Variants in ANTXRL observed in about 807,000 individuals in gnomAD.
The protein encoded by ANTXRL is anthrax toxin receptor-like.
In ANTXRL, 63 loss-of-function variants were observed where a neutral mutation model predicts 75.4. The observed-to-expected ratio is 0.84, with a 90% CI of 0.68 to 1.03. The LOEUF (loss-of-function observed/expected upper bound fraction) is 1.03, where lower values mean the gene tolerates loss of function less well. Among genes scored for constraint, ANTXRL ranks in the 50% least tolerant of loss-of-function variants. The probability of loss-of-function intolerance (pLI) is 0.00; values close to 1 mark genes in which losing one functional copy is unlikely to be tolerated. For synonymous variants in ANTXRL, 335 were observed against 291.3 expected, an observed-to-expected ratio of 1.15 and a Z score of -1.53; for missense variants, 797 against 789.4, an observed-to-expected ratio of 1.01 and a Z score of -0.12.
At chr10:46,314,546 C>T (rs1343752920) in intron 16 of ANTXRL, among the ~76,000 whole-genome samples, 1 of 151,950 alleles carries the variant, frequency 6.6e-6, no homozygotes, top group Non-Finnish European at 1.5e-5. Context: ...CCAGAAATGG[C>T]CTTACTGTCC....
chr10:46,297,359 G>A, intron 6 of ANTXRL, 31 bp downstream of exon 6: 1 of 1,536,154 alleles, frequency 6.5e-7, no homozygotes, highest in South Asian at 1.2e-5. Flanking sequence ...CCAGCATTTT[G>A]CTCCATGTAT....
intron 7 of ANTXRL, 82 bp downstream of exon 7, chr10:46,297,556 C>T (rs1486672817): frequency 1.2e-5 from 17 of 1,402,804 alleles, no homozygotes; most frequent in African/African-American, 1.0e-4. Flanking sequence ...ACCCCAAGGA[C>T]GGTTGTCTAA....
intron 7 of ANTXRL, among the ~76,000 whole-genome samples, 168 bp downstream of exon 7, chr10:46,297,642 G>A (rs1257000810): frequency 1.1e-4 from 17 of 152,256 alleles, no homozygotes; most frequent in African/African-American, 4.1e-4. Context: ...ATCCCACCAT[G>A]CCAAAGGGGA....
chr10:46,291,683 C>G (rs1480225021), intron 1 of ANTXRL, among the ~76,000 whole-genome samples: 1 of 152,040 alleles, frequency 6.6e-6, no homozygotes, highest in African/African-American at 2.4e-5. Context: ...ATAAATGAAA[C>G]TTTTTTGGTT....
At chr10:46,317,500 T>C (rs1838790734) in intron 16 of ANTXRL, among the ~76,000 whole-genome samples, 1 of 152,184 alleles carries the variant, frequency 6.6e-6, no homozygotes, top group African/African-American at 2.4e-5. Flanking sequence ...TCCTGAGTTC[T>C]CCTCCTGGCC....
intron 3 of ANTXRL, among the ~76,000 whole-genome samples, chr10:46,294,387 TG>T (rs1269038719): frequency 2.6e-5 from 4 of 151,338 alleles, no homozygotes; most frequent in African/African-American, 9.7e-5. Context: ...AGCCCCTGGG[TG>T]GGGTTCTGAG....
intron 1 of ANTXRL, among the ~76,000 whole-genome samples, chr10:46,287,764 C>T (rs1836823666): frequency 6.6e-6 from 1 of 152,170 alleles, no homozygotes; most frequent in African/African-American, 2.4e-5. Flanking sequence ...CCTACCCCTC[C>T]ATCAGCTGGG....
At chr10:46,293,271 C>T (rs1425145399) in intron 2 of ANTXRL, among the ~76,000 whole-genome samples, 10 of 132,790 alleles carry the variant, frequency 7.5e-5, no homozygotes, top group Admixed American at 3.0e-4. Flanking sequence ...TATACCTGTG[C>T]GTGTGTGAGA....
chr10:46,293,534 C>CAT (rs1554957440), intron 2 of ANTXRL, among the ~76,000 whole-genome samples: 1 of 125,726 alleles, frequency 8.0e-6, no homozygotes, highest in African/African-American at 3.1e-5. Flanking sequence ...TCTGTGTGTG[C>CAT]ATGTGTGTGC....
chr10:46,327,181 C>T (rs1839258680), intron 16 of ANTXRL, among the ~76,000 whole-genome samples: 1 of 152,128 alleles, frequency 6.6e-6, no homozygotes, highest in Non-Finnish European at 1.5e-5. Flanking sequence ...GCATGGCCAG[C>T]TCTTCTAGTA....
At position 46,305,198 on chromosome 10, in the gene ANTXRL, A is replaced by T. The variant is rs372141843; in HGVS notation, c.896-1605A>T. Among the ~76,000 whole-genome samples, 52 of 152,246 alleles carry T rather than the reference A, an allele frequency of 3.4e-4. 2 individuals are homozygous for T. In the South Asian group the frequency reaches 0.011, roughly 32 times the overall value. Reference sequence around the variant, plus strand: ...GGCAGTGTGCCTTCCCTGGCGGCTGATGCCAGCCTGGAGGTGCAGTTCAGG... The same window carrying T: ...GGCAGTGTGCCTTCCCTGGCGGCTGTTGCCAGCCTGGAGGTGCAGTTCAGG... On this transcript the variant is annotated intron_variant, in intron 10 of 16. Coordinates refer to ENST00000620264, the MANE Select transcript of ANTXRL (RefSeq NM_001278688.3).
intron 5 of ANTXRL, among the ~76,000 whole-genome samples, 167 bp from the exon 6 acceptor site, chr10:46,297,085 G>T (rs1837423771): frequency 6.6e-6 from 1 of 152,176 alleles, no homozygotes; most frequent in Admixed American, 6.5e-5. Context: ...CTGGGTGGCA[G>T]GTGCTTGGGT....
rs781819861 is a variant in ANTXRL at position 46,298,069 on chromosome 10, G to A, written c.796+7G>A. 1.9e-5 allele frequency: 29 copies of A among 1,533,878 alleles called. 1 individual carries two copies. In the South Asian group the frequency reaches 3.5e-4, roughly 18 times the overall value. On this transcript the variant is annotated splice_region_variant and intron_variant, in intron 9 of 16. Transcript: ENST00000620264. ...TCCTCTGAGTGTGTAGGAGGTGAGA[G>A]CTGCGGAGGCCCTGGGGTAGCCAAA...
intron 13 of ANTXRL, among the ~76,000 whole-genome samples, chr10:46,309,826 A>G (rs1838317144): frequency 6.6e-6 from 1 of 152,114 alleles, no homozygotes; most frequent in Non-Finnish European, 1.5e-5. Context: ...TGAGGGTGAA[A>G]TGTCCACCCC....
At chr10:46,300,615 G>A (rs1204776576) in intron 9 of ANTXRL, among the ~76,000 whole-genome samples, 1 of 151,936 alleles carries the variant, frequency 6.6e-6, no homozygotes, top group Non-Finnish European at 1.5e-5. Context: ...GGGACCAGGT[G>A]GAGCACAGGC....
chr10:46,325,595 A>G (rs1839175122), intron 16 of ANTXRL, among the ~76,000 whole-genome samples: 1 of 152,152 alleles, frequency 6.6e-6, no homozygotes, highest in Non-Finnish European at 1.5e-5. Context: ...ACAGCAGTTA[A>G]TGCCATTCCA....
Position 46,329,697 on chromosome 10 carries a change from A to G in ANTXRL, c.1509A>G (p.Leu503=). The change falls in exon 17 of 17, where the codon CTA becomes CTG. Residue 503 remains leucine (L), a synonymous_variant. Coordinates refer to ENST00000620264, the MANE Select transcript of ANTXRL (RefSeq NM_001278688.3). ...CACACAGCCAGGAGTGCCTTTCCCT[A>G]CCACAGGCTCCCTGCAGCCCAAGGA... ...CFPHSQECLS[L]PQAPCSPRMC... The G allele has an allele frequency of 6.5e-7, 1 of 1,536,026 alleles. No homozygotes were observed. The highest frequency in any genetic ancestry group is 8.7e-7 in the Non-Finnish European group (1 of 1,146,766).
At position 46,311,610 on chromosome 10, in the gene ANTXRL, C is replaced by A; in HGVS notation, c.1274C>A (p.Thr425Asn). ...PPPAPVNTCP[T>N]VIICCCGCQG... is the part of the protein sequence containing the mutation. ...CCAGCTCCTGTAAACACCTGCCCCA[C>A]TGTGATTATTTGTTGCTGTGGATGC... The change falls in exon 15 of 17, where the codon ACT (threonine) becomes AAT (asparagine). Residue 425 changes from threonine (T) to asparagine (N), a missense_variant. Transcript: ENST00000620264. 1 of 1,400,484 alleles carries A rather than the reference C, an allele frequency of 7.1e-7. No individual in the cohort carries two copies. The highest frequency in any genetic ancestry group is 9.8e-7 in the Non-Finnish European group (1 of 1,022,988). The allele number at this position is 1,400,484 out of a possible 1,614,324, so 86.8% of individuals were successfully genotyped here. A position where few individuals can be genotyped will look rare whatever the true frequency, so the allele number is the denominator to read the frequency against.
chr10:46,286,410 A>T (rs1202224822), upstream of ANTXRL: 1 of 152,198 alleles, frequency 6.6e-6, no homozygotes, highest in South Asian at 2.1e-4. Flanking sequence ...GTCCCAGCTG[A>T]GCCCAGGTTT....
Sources: gnomAD v4.1 joint callset for allele counts (sites outside exome capture counted in the v4.1 genomes callset) on GRCh38, gnomAD v4.1.1 for gene constraint, MANE v1.5 for transcripts, NCBI Gene and HGNC (gene_info 2026-07-23, HGNC 2026-07-21) for gene names.